Variants in IPO9 observed in about 807,000 individuals in gnomAD.
IPO9 encodes the protein importin-9.
In IPO9, 28 loss-of-function variants were observed where a neutral mutation model predicts 128.6. That is an observed-to-expected ratio of 0.22 (90% CI 0.16 to 0.30). The LOEUF is 0.30. Ranked by LOEUF, IPO9 falls within the 10% of genes least tolerant of loss-of-function variation. The probability of loss-of-function intolerance (pLI) is 1.00; values close to 1 mark genes in which losing one functional copy is unlikely to be tolerated. For synonymous variants in IPO9, 455 were observed against 475.8 expected (o/e 0.96, Z 0.57); for missense variants, 935 against 1,293.9 (o/e 0.72, Z 4.26).
intron 1 of IPO9, among the ~76,000 whole-genome samples, chr1:201,837,304 A>G (rs534065421): frequency 1.1e-3 from 157 of 148,198 alleles, no homozygotes; most frequent in Admixed American, 2.5e-3. Flanking sequence ...AGGGATATGG[A>G]AAAAATATAT....
intron 1 of IPO9, among the ~76,000 whole-genome samples, chr1:201,829,942 C>T (rs1215748693): frequency 4.6e-5 from 7 of 152,188 alleles, no homozygotes; most frequent in Non-Finnish European, 8.8e-5. Flanking sequence ...CTTCACTGTC[C>T]TGACCATACT....
At chr1:201,874,192 T>C in intron 20 of IPO9, 58 bp from the exon 21 acceptor site, 1 of 1,592,666 alleles carries the variant, frequency 6.3e-7, no homozygotes, top group South Asian at 1.1e-5. Flanking sequence ...AGGACAGGGG[T>C]ACTTCCAGAA....
chr1:201,874,554 G>A (rs1680722638), intron 21 of IPO9, among the ~76,000 whole-genome samples, 182 bp downstream of exon 21: 1 of 152,216 alleles, frequency 6.6e-6, no homozygotes, highest in African/African-American at 2.4e-5. Flanking sequence ...TCTGCCATAT[G>A]AAATCTCACA....
Position 201,874,896 on chromosome 1 carries a change from T to C in IPO9, c.2898T>C (p.Ala966=). The change falls in exon 22 of 24, where the codon GCT becomes GCC. Residue 966 remains alanine (A), a synonymous_variant. Coordinates refer to ENST00000361565, the MANE Select transcript of IPO9 (RefSeq NM_018085.5). ...AGGAGGAGGAGGAGGATGGTTTAGC[T>C]GGCCAACTTTTATCTGACATTCTTG... ...EEEEEEEDGL[A]GQLLSDILAT... 6.2e-7 allele frequency: 1 copy of C among 1,613,778 alleles called. No homozygotes were observed. Among genetic ancestry groups the C allele is most frequent in the Non-Finnish European group, 8.5e-7 (1 of 1,179,652 alleles).
intron 14 of IPO9, among the ~76,000 whole-genome samples, chr1:201,864,935 C>T (rs896884689): frequency 3.3e-5 from 5 of 152,190 alleles, no homozygotes; most frequent in African/African-American, 1.2e-4. Flanking sequence ...AGAGATGTAA[C>T]AGATATCTCT....
intron 1 of IPO9, among the ~76,000 whole-genome samples, chr1:201,838,752 A>G (rs1039293458): frequency 3.3e-5 from 5 of 152,254 alleles, no homozygotes; most frequent in African/African-American, 1.2e-4. Flanking sequence ...TGAATTAAGA[A>G]TCTAAGAATT....
intron 11 of IPO9, among the ~76,000 whole-genome samples, chr1:201,857,396 C>T (rs148577750): frequency 1.9e-3 from 287 of 152,214 alleles, no homozygotes; most frequent in African/African-American, 4.7e-3. Flanking sequence ...TAACTTAAAA[C>T]TAAATATTAG....
At chr1:201,862,155 T>C (rs975323744) in intron 13 of IPO9, among the ~76,000 whole-genome samples, 11 of 152,176 alleles carry the variant, frequency 7.2e-5, no homozygotes, top group African/African-American at 2.7e-4. Flanking sequence ...AGCTATAATT[T>C]ATGTTTTAAG....
At chr1:201,851,970 C>T in intron 4 of IPO9, 134 bp from the exon 5 acceptor site, 1 of 484,130 alleles carries the variant, frequency 2.1e-6, no homozygotes, top group South Asian at 3.9e-5. Context: ...CAGAATGAGA[C>T]CACCAGGCCA....
intron 1 of IPO9, among the ~76,000 whole-genome samples, chr1:201,836,062 A>G (rs1259253167): frequency 6.7e-6 from 1 of 149,650 alleles, no homozygotes; most frequent in African/African-American, 2.5e-5. Flanking sequence ...CAGTGAGCCA[A>G]GATCACACCA....
chr1:201,873,106 G>A, intron 20 of IPO9, 145 bp downstream of exon 20: 1 of 990,022 alleles, frequency 1.0e-6, no homozygotes, highest in Non-Finnish European at 1.4e-6. Context: ...GGAAACTTAG[G>A]TAAAAGGGAT....
chr1:201,861,590 T>A (rs1680449335), intron 13 of IPO9, among the ~76,000 whole-genome samples: 1 of 152,218 alleles, frequency 6.6e-6, no homozygotes, highest in African/African-American at 2.4e-5. Context: ...CAACTTACGA[T>A]GTGTTTATCA....
rs1451310432 is a variant in IPO9, at chr1:201,871,418, G to A, written c.2576+91G>A. ...TTTTTTTTTTTTTTGAGACAGTCTC[G>A]CTCTGTCGCCCAGGCTGGAGTGCAG... On this transcript the variant is annotated intron_variant, in intron 19 of 23. Transcript: ENST00000361565. The A allele has an allele frequency of 1.7e-5, 17 of 994,962 alleles. No homozygotes were observed. The South Asian group carries it at 2.4e-4, about 14-fold the overall frequency. The allele number at this position is 994,962 out of a possible 1,614,324, so 61.6% of individuals were successfully genotyped here.
chr1:201,830,305 T>G (rs1406800296), intron 1 of IPO9, among the ~76,000 whole-genome samples: 1 of 152,236 alleles, frequency 6.6e-6, no homozygotes, highest in African/African-American at 2.4e-5. Context: ...AAATACTTCA[T>G]CAGAGATATG....
rs373047973 is a variant in IPO9, at chr1:201,852,209, C to T, written c.603+17C>T. 393 of 1,536,492 alleles carry T rather than the reference C, an allele frequency of 2.6e-4. No individual in the cohort carries two copies. The highest frequency in any genetic ancestry group is 1.7e-4 in the Admixed American group (10 of 59,662). ...ATGGCTGAGGTATGAAATCTCAGCT[C>T]CAAGATTATAGTGAGTTCAGGCTCT... On this transcript the variant is annotated intron_variant, in intron 5 of 23. Transcript: ENST00000361565.
chr1:201,856,444 C>T (rs1380062117), intron 10 of IPO9, among the ~76,000 whole-genome samples: 1 of 152,070 alleles, frequency 6.6e-6, no homozygotes. Context: ...TAAAACAGCA[C>T]AAGAATTGAC....
intron 13 of IPO9, among the ~76,000 whole-genome samples, chr1:201,862,852 A>G (rs917024035): frequency 6.6e-6 from 1 of 152,048 alleles, no homozygotes; most frequent in Non-Finnish European, 1.5e-5. Flanking sequence ...GTAAGGAATA[A>G]TGAGAGCTGG....
chr1:201,832,598 G>C (rs563100706), intron 1 of IPO9, among the ~76,000 whole-genome samples: 1 of 152,334 alleles, frequency 6.6e-6, no homozygotes, highest in African/African-American at 2.4e-5. Flanking sequence ...AGAAATCTGG[G>C]ATTTGGTGTC....
In IPO9 at chr1:201,882,253, A is replaced by T. The variant is rs984597317; in HGVS notation, c.*6199A>T. On this transcript the variant is annotated 3_prime_UTR_variant, in exon 24 of 24. Transcript: ENST00000361565. Reference sequence around the variant, plus strand: ...AAGAGCAGCCTGGCCAGCATGGTGAAACCCCGTCTCTACTAAAAATACAAA... The same window carrying T: ...AAGAGCAGCCTGGCCAGCATGGTGATACCCCGTCTCTACTAAAAATACAAA... 1 of 152,092 alleles carries T rather than the reference A, an allele frequency of 6.6e-6. No homozygotes were observed. The highest frequency in any genetic ancestry group is 2.4e-5 in the African/African-American group (1 of 41,398). The allele number at this position is 152,092 out of a possible 1,614,324, so 9.4% of individuals were successfully genotyped here.
Sources: gnomAD v4.1 joint callset for allele counts (sites outside exome capture counted in the v4.1 genomes callset) on GRCh38, gnomAD v4.1.1 for gene constraint, MANE v1.5 for transcripts, NCBI Gene and HGNC (gene_info 2026-07-23, HGNC 2026-07-21) for gene names.